Variants in DYNC2H1 observed in about 807,000 individuals in gnomAD.
The protein encoded by DYNC2H1 is cytoplasmic dynein 2 heavy chain 1.
A neutral mutation model predicts 570.0 loss-of-function variants in DYNC2H1; 410 were observed. The ratio of observed to expected loss-of-function variants is 0.72; its 90% CI spans 0.66 to 0.78. The LOEUF (loss-of-function observed/expected upper bound fraction) is 0.78. DYNC2H1 is among the 30% of genes least tolerant of loss of function. The pLI is 0.00. For missense variants in DYNC2H1, 4,865 were observed against 5,046.4 expected, an observed-to-expected ratio of 0.96 and a Z score of 1.09; for synonymous variants, 1,688 against 1,677.6, an observed-to-expected ratio of 1.01 and a Z score of -0.15.
chr11:103,294,693 C>T (rs1435730018), intron 75 of DYNC2H1, among the ~76,000 whole-genome samples: 1 of 152,162 alleles, frequency 6.6e-6, no homozygotes, highest in Non-Finnish European at 1.5e-5. Context: ...CCTTCCACAC[C>T]AGCACAGTAC....
At chr11:103,349,297 A>G (rs1220992652) in intron 82 of DYNC2H1, among the ~76,000 whole-genome samples, 2 of 152,218 alleles carry the variant, frequency 1.3e-5, no homozygotes, top group African/African-American at 4.8e-5. Flanking sequence ...ATTTTAAAAA[A>G]TAAATAGATG....
rs979243214 is a variant in DYNC2H1 at position 103,336,685 on chromosome 11, A to G, written c.12039+12695A>G. On this transcript the variant is annotated intron_variant, in intron 82 of 88. Coordinates refer to ENST00000375735, the MANE Select transcript of DYNC2H1 (RefSeq NM_001377.3). ...ATATTCCATTGTTTATGTGTACCAT[A>G]TTTTTTCTTTATCCATTCATCTGTT... Among the ~76,000 whole-genome samples the G allele has an allele frequency of 3.9e-5, 6 of 152,142 alleles. No homozygotes were observed. The East Asian group carries it at 9.6e-4, about 24-fold the overall frequency.
At chr11:103,281,327 T>G (rs993408796) in intron 71 of DYNC2H1, among the ~76,000 whole-genome samples, 4 of 152,080 alleles carry the variant, frequency 2.6e-5, no homozygotes, top group African/African-American at 9.6e-5. Flanking sequence ...TATCTAATAT[T>G]TTTCACTATG....
At chr11:103,160,782 C>A in intron 28 of DYNC2H1, 150 bp from the exon 29 acceptor site, 1 of 390,802 alleles carries the variant, frequency 2.6e-6, no homozygotes. Context: ...GACATTTAAA[C>A]ACTAGGAGCA....
intron 87 of DYNC2H1, among the ~76,000 whole-genome samples, chr11:103,459,082 G>T (rs551546343): frequency 6.6e-6 from 1 of 151,550 alleles, no homozygotes; most frequent in African/African-American, 2.4e-5. Flanking sequence ...GGCCGAGGCG[G>T]GCGGATCACG....
intron 79 of DYNC2H1, among the ~76,000 whole-genome samples, chr11:103,315,848 C>T (rs921955675): frequency 1.3e-5 from 2 of 151,942 alleles, no homozygotes; most frequent in African/African-American, 4.8e-5. Context: ...CAGAGCCTGA[C>T]ATATAATACA....
intron 78 of DYNC2H1, among the ~76,000 whole-genome samples, chr11:103,311,465 G>A (rs1867584221): frequency 6.6e-6 from 1 of 151,970 alleles, no homozygotes; most frequent in Non-Finnish European, 1.5e-5. Flanking sequence ...ATGGTATGTT[G>A]AATTCCTCAT....
At chr11:103,113,195 C>A (rs1858194398) in intron 1 of DYNC2H1, among the ~76,000 whole-genome samples, 2 of 152,082 alleles carry the variant, frequency 1.3e-5, no homozygotes, top group Non-Finnish European at 2.9e-5. Context: ...CAGCTTTCAT[C>A]TGTACTATTA....
chr11:103,392,775 A>AG (rs1473177286), intron 83 of DYNC2H1, among the ~76,000 whole-genome samples: 1 of 152,226 alleles, frequency 6.6e-6, no homozygotes, highest in East Asian at 1.9e-4. Context: ...GGAAAAAAAA[A>AG]AAGTCTTCCT....
intron 85 of DYNC2H1, among the ~76,000 whole-genome samples, chr11:103,442,067 C>T (rs756839917): frequency 2.6e-5 from 4 of 152,084 alleles, no homozygotes; most frequent in Non-Finnish European, 5.9e-5. Context: ...TTTAAAACCT[C>T]CAGCATCCCC....
At chr11:103,449,630 A>G (rs930849183) in intron 85 of DYNC2H1, among the ~76,000 whole-genome samples, 1 of 152,050 alleles carries the variant, frequency 6.6e-6, no homozygotes, top group Non-Finnish European at 1.5e-5. Flanking sequence ...AATCTTCTCT[A>G]TACATGTGGT....
chr11:103,147,981 A>G, intron 19 of DYNC2H1, 94 bp downstream of exon 19: 1 of 872,950 alleles, frequency 1.1e-6, no homozygotes, highest in Non-Finnish European at 1.7e-6. Context: ...ATGATCATTA[A>G]AAACCAAAAC....
In DYNC2H1 at chr11:103,275,281, CTT is replaced by C. The variant is rs1391074718; in HGVS notation, c.10696-5065_10696-5064del. On this transcript the variant is annotated intron_variant, in intron 70 of 88. Coordinates refer to ENST00000375735, the MANE Select transcript of DYNC2H1 (RefSeq NM_001377.3). This position sits in a 1 kb window ranked among gnomAD's most constrained non-coding sequence, Gnocchi z 4.8. ...CTTGCCTCCACATACTGTACAGCCT[CTT>C]TCACTATCAAAATCCTGCACCAGAG... Among the ~76,000 whole-genome samples the C allele has an allele frequency of 6.6e-6, 1 of 152,114 alleles. No individual in the cohort carries two copies. The highest frequency in any genetic ancestry group is 1.9e-4 in the East Asian group (1 of 5,180).
chr11:103,301,878 G>C (rs1867063074), intron 75 of DYNC2H1, among the ~76,000 whole-genome samples: 1 of 151,748 alleles, frequency 6.6e-6, no homozygotes, highest in Admixed American at 6.6e-5. Flanking sequence ...TTCTATTTTT[G>C]AGAATATATG....
At position 103,336,183 on chromosome 11, in the gene DYNC2H1, A is replaced by G. The variant is rs149177618; in HGVS notation, c.12039+12193A>G. ...TTATGGCTACATAGTAGTTGTACAT[A>G]TTTATAGGGTACATATAATATTTGT... On this transcript the variant is annotated intron_variant, in intron 82 of 88. Transcript: ENST00000375735. 2.6e-5 allele frequency among the ~76,000 whole-genome samples: 4 copies of G among 152,318 alleles called. No individual in the cohort carries two copies. The East Asian group carries it at 7.7e-4, about 29-fold the overall frequency.
chr11:103,301,774 C>T (rs868706893), intron 75 of DYNC2H1, among the ~76,000 whole-genome samples: 2 of 151,678 alleles, frequency 1.3e-5, no homozygotes, highest in South Asian at 4.2e-4. Flanking sequence ...CTCTTTTGAC[C>T]CATCATGATA....
chr11:103,267,276 C>G (rs2135296007), intron 70 of DYNC2H1, among the ~76,000 whole-genome samples: 1 of 151,504 alleles, frequency 6.6e-6, no homozygotes, highest in African/African-American at 2.4e-5. Context: ...CTGTATCACT[C>G]TTGGTGCTTT....
At chr11:103,382,516 T>G (rs1187370837) in intron 83 of DYNC2H1, among the ~76,000 whole-genome samples, 2 of 152,150 alleles carry the variant, frequency 1.3e-5, no homozygotes, top group Non-Finnish European at 2.9e-5. Flanking sequence ...CCTCTCAGAG[T>G]CTTGTCCAAT....
At chr11:103,117,327 G>A (rs1408373667) in intron 5 of DYNC2H1, among the ~76,000 whole-genome samples, 3 of 148,658 alleles carry the variant, frequency 2.0e-5, no homozygotes, top group Non-Finnish European at 3.0e-5. Context: ...TGTGCACAAC[G>A]TGCAGGTTTG....
Sources: allele counts gnomAD v4.1 joint callset (sites outside exome capture counted in the v4.1 genomes callset), GRCh38; gene constraint gnomAD v4.1.1; non-coding constraint Gnocchi (gnomAD v3.1); transcripts MANE v1.5; gene names NCBI Gene and HGNC (gene_info 2026-07-23, HGNC 2026-07-21).